Variants in PDGFC observed in about 807,000 individuals in gnomAD.
The protein encoded by PDGFC is platelet derived growth factor C.
Under a neutral mutation model 35.5 loss-of-function variants are expected in PDGFC, and 12 were observed. The ratio of observed to expected loss-of-function variants is 0.34; its 90% CI spans 0.22 to 0.55. The LOEUF (loss-of-function observed/expected upper bound fraction) is 0.55. Among genes scored for constraint, PDGFC ranks in the 20% least tolerant of loss-of-function variants. PDGFC has a pLI of 0.91. For synonymous variants in PDGFC, 159 were observed against 148.8 expected (o/e 1.07, Z -0.50); for missense variants, 322 against 412.4 (o/e 0.78, Z 1.90).
intron 1 of PDGFC, among the ~76,000 whole-genome samples, chr4:156,851,308 C>A (rs1729446176): frequency 6.6e-6 from 1 of 152,124 alleles, no homozygotes; most frequent in African/African-American, 2.4e-5. Flanking sequence ...AATGTTGCAG[C>A]ACTTCTCAAT....
intron 1 of PDGFC, among the ~76,000 whole-genome samples, chr4:156,928,870 C>T (rs889156511): frequency 4.6e-5 from 7 of 152,176 alleles, no homozygotes; most frequent in African/African-American, 1.4e-4. Flanking sequence ...TACTGAAGGA[C>T]TGTTTATCTC....
At chr4:156,835,245 C>T (rs1729035105) in intron 2 of PDGFC, among the ~76,000 whole-genome samples, 3 of 152,050 alleles carry the variant, frequency 2.0e-5, no homozygotes, top group Non-Finnish European at 4.4e-5. Context: ...ATGAAAATCA[C>T]CTCACATCGG....
At chr4:156,843,706 T>G (rs1300104852) in intron 2 of PDGFC, among the ~76,000 whole-genome samples, 1 of 152,152 alleles carries the variant, frequency 6.6e-6, no homozygotes, top group Non-Finnish European at 1.5e-5. Flanking sequence ...AAAACCCAGT[T>G]ACATATTCTC....
chr4:156,880,922 C>A (rs191716463), intron 1 of PDGFC, among the ~76,000 whole-genome samples: 1 of 152,116 alleles, frequency 6.6e-6, no homozygotes, highest in Non-Finnish European at 1.5e-5. Context: ...TGGAGGTGTT[C>A]TGTTATACTG....
intron 2 of PDGFC, among the ~76,000 whole-genome samples, chr4:156,815,670 A>C (rs1168501525): frequency 6.6e-6 from 1 of 152,206 alleles, no homozygotes; most frequent in African/African-American, 2.4e-5. Flanking sequence ...GACACATAAA[A>C]GTGAAATCAC....
intron 1 of PDGFC, chr4:156,873,959 C>G (rs776066970): frequency 6.6e-6 from 1 of 152,196 alleles, no homozygotes; most frequent in African/African-American, 2.4e-5. Flanking sequence ...CTGAAGCTAT[C>G]AAGTCTTTCC....
chr4:156,793,827 TA>T (rs71602277), intron 3 of PDGFC, among the ~76,000 whole-genome samples: 48 of 146,516 alleles, frequency 3.3e-4, no homozygotes, highest in Admixed American at 5.5e-4. Context: ...ATTTTTGGAT[TA>T]AAAAAAAAAA....
intron 3 of PDGFC, among the ~76,000 whole-genome samples, chr4:156,776,496 G>T (rs1730834420): frequency 6.6e-6 from 1 of 152,222 alleles, no homozygotes; most frequent in Non-Finnish European, 1.5e-5. Context: ...CCAGAGAAAA[G>T]CTTCTGTGTT....
chr4:156,769,253 T>C (rs761635352), intron 4 of PDGFC, among the ~76,000 whole-genome samples: 7 of 151,234 alleles, frequency 4.6e-5, no homozygotes, highest in Non-Finnish European at 1.0e-4. Context: ...ATAATCACGA[T>C]GTAATCCAAT....
chr4:156,943,655 T>C (rs1731868488), intron 1 of PDGFC, among the ~76,000 whole-genome samples: 1 of 152,082 alleles, frequency 6.6e-6, no homozygotes, highest in South Asian at 2.1e-4. Flanking sequence ...CCTACATTCA[T>C]TTTCAGTCTA....
chr4:156,781,862 G>T lies in PDGFC; in HGVS notation c.496-8969C>A, dbSNP rs149750225. ...TTTTAAAAATTTAATAAACAATTCA[G>T]CACTATACATATTTAGGGATTATCA... On this transcript the variant is annotated intron_variant, in intron 3 of 5. Transcript: ENST00000502773. Among the ~76,000 whole-genome samples, 1,237 of 152,132 alleles carry T rather than the reference G, an allele frequency of 8.1e-3. 8 individuals carry two copies. Among genetic ancestry groups the T allele is most frequent in the Middle Eastern group, 0.024 (7 of 294 alleles).
At chr4:156,782,451 G>A (rs569797655) in intron 3 of PDGFC, among the ~76,000 whole-genome samples, 53 of 152,158 alleles carry the variant, frequency 3.5e-4, no homozygotes, top group Middle Eastern at 3.4e-3. Flanking sequence ...TTAGCATGCC[G>A]TTCCTATTTC....
At chr4:156,821,600 T>A (rs1732262443) in intron 2 of PDGFC, among the ~76,000 whole-genome samples, 1 of 152,068 alleles carries the variant, frequency 6.6e-6, no homozygotes, top group Non-Finnish European at 1.5e-5. Flanking sequence ...CAGGCTGGAG[T>A]GCAGTGGTAT....
At chr4:156,897,969 G>T (rs1284281754) in intron 1 of PDGFC, among the ~76,000 whole-genome samples, 1 of 152,152 alleles carries the variant, frequency 6.6e-6, no homozygotes, top group African/African-American at 2.4e-5. Context: ...CATGTATTTT[G>T]CATGTAAGAA....
intron 1 of PDGFC, chr4:156,876,499 C>T (rs1164479272): frequency 2.0e-5 from 3 of 152,144 alleles, no homozygotes; most frequent in Admixed American, 1.3e-4. Context: ...TTTAGTACCC[C>T]ATTTGACAGA....
At chr4:156,919,406 T>A (rs1294908965) in intron 1 of PDGFC, among the ~76,000 whole-genome samples, 1 of 152,170 alleles carries the variant, frequency 6.6e-6, no homozygotes, top group African/African-American at 2.4e-5. Flanking sequence ...CTTCTGATAC[T>A]CCCAACTGAA....
chr4:156,832,437 A>G (rs570635720), intron 2 of PDGFC, among the ~76,000 whole-genome samples: 5 of 151,780 alleles, frequency 3.3e-5, no homozygotes, highest in Non-Finnish European at 7.4e-5. Flanking sequence ...TTGTATTTTT[A>G]GTAGAGACAG....
intron 1 of PDGFC, among the ~76,000 whole-genome samples, chr4:156,950,658 A>G (rs761778795): frequency 6.6e-6 from 1 of 151,836 alleles, no homozygotes; most frequent in Non-Finnish European, 1.5e-5. Flanking sequence ...GAGGTAGAAG[A>G]AAAGTTCTTT....
intron 1 of PDGFC, among the ~76,000 whole-genome samples, chr4:156,884,439 C>A (rs1184074279): frequency 4.6e-5 from 7 of 152,134 alleles, no homozygotes; most frequent in Non-Finnish European, 7.3e-5. Context: ...TGGAAGACAG[C>A]TACATTTTAC....
Sources: gnomAD v4.1 joint callset for allele counts (sites outside exome capture counted in the v4.1 genomes callset) on GRCh38, gnomAD v4.1.1 for gene constraint, MANE v1.5 for transcripts, NCBI Gene and HGNC (gene_info 2026-07-23, HGNC 2026-07-21) for gene names.